IKZF3: variants seen among roughly 807,000 people sequenced by gnomAD.
IKZF3 encodes zinc finger protein Aiolos.
Under a neutral mutation model 49.0 loss-of-function variants are expected in IKZF3, and 10 were observed. The ratio of observed to expected loss-of-function variants is 0.20; its 90% CI spans 0.13 to 0.35. The LOEUF (loss-of-function observed/expected upper bound fraction) is 0.35, where lower values mean the gene tolerates loss of function less well. Ranked by LOEUF, IKZF3 falls within the 10% of genes least tolerant of loss-of-function variation. The pLI is 1.00. For missense variants in IKZF3, 498 were observed against 664.8 expected (o/e 0.75, Z 2.76); for synonymous variants, 209 against 228.2 (o/e 0.92, Z 0.76).
chr17:39,839,512 TGTGAGAAGACATG>T, intron 1 of IKZF3: 1 of 563,746 alleles, frequency 1.8e-6, no homozygotes, highest in Non-Finnish European at 3.5e-6. Context: ...CTGAAAGTCT[TGTGAGAAGACATG>T]GTGAGAAGTG....
chr17:39,785,173 G>T (rs2060844221), intron 6 of IKZF3, among the ~76,000 whole-genome samples: 1 of 152,164 alleles, frequency 6.6e-6, no homozygotes, highest in South Asian at 2.1e-4. Flanking sequence ...GTGCAAAATA[G>T]TTAAAGGATT....
At chr17:39,847,911 C>T (rs577273263) in intron 1 of IKZF3, among the ~76,000 whole-genome samples, 1 of 152,208 alleles carries the variant, frequency 6.6e-6, no homozygotes, top group East Asian at 1.9e-4. Context: ...GTTTTAAATG[C>T]CTTCCTATAC....
At position 39,788,932 on chromosome 17, in the gene IKZF3, G is replaced by A. The variant is rs1036743466; in HGVS notation, c.593-558C>T. On this transcript the variant is annotated intron_variant, in intron 5 of 7. Transcript: ENST00000346872. ...AATAAAAACTGAGCTAATTAACTACGGATTTTTTTGTTTTTTTGTTTTTGA... is the reference window on the plus strand; with the variant it reads ...AATAAAAACTGAGCTAATTAACTACAGATTTTTTTGTTTTTTTGTTTTTGA... 3.3e-5 allele frequency among the ~76,000 whole-genome samples: 5 copies of A among 152,052 alleles called. No individual in the cohort carries two copies. In the East Asian group the frequency reaches 9.7e-4, roughly 29 times the overall value.
chr17:39,819,382 G>A (rs1218955461), intron 3 of IKZF3, among the ~76,000 whole-genome samples: 8 of 152,092 alleles, frequency 5.3e-5, no homozygotes, highest in Admixed American at 5.2e-4. Flanking sequence ...CAAGCCACAG[G>A]CACAGCTATC....
rs2060124516 is a variant in IKZF3, at chr17:39,759,150, T to C, written c.*6640A>G. 1 of 152,142 alleles carries C rather than the reference T, an allele frequency of 6.6e-6. No individual in the cohort carries two copies. The highest frequency in any genetic ancestry group is 1.5e-5 in the Non-Finnish European group (1 of 68,056). 9.4% of individuals were successfully genotyped at this position (152,142 alleles called of 1,614,324 possible). ...AGAAACTCAGGCCAGCCGCGGTGCC[T>C]CACGCCTGTAACCCCAACACTTTGG... On this transcript the variant is annotated 3_prime_UTR_variant, in exon 8 of 8. Coordinates refer to ENST00000346872, the MANE Select transcript of IKZF3 (RefSeq NM_012481.5).
At chr17:39,824,980 C>T (rs1248793048) in intron 3 of IKZF3, among the ~76,000 whole-genome samples, 1 of 152,182 alleles carries the variant, frequency 6.6e-6, no homozygotes, top group African/African-American at 2.4e-5. Context: ...CGGGTGTGAG[C>T]CACCGCACCT....
intron 3 of IKZF3, among the ~76,000 whole-genome samples, chr17:39,811,234 C>CAGAAAGAAAGAAAGAA (rs1409238754): frequency 4.8e-4 from 1 of 2,102 alleles, no homozygotes; most frequent in Non-Finnish European, 1.1e-3. Context: ...AAGACCCTGT[C>CAGAAAGAAAGAAAGAA]TGAAAGAAAG....
At chr17:39,814,604 C>T (rs550766905) in intron 3 of IKZF3, among the ~76,000 whole-genome samples, 1 of 152,102 alleles carries the variant, frequency 6.6e-6, no homozygotes, top group East Asian at 1.9e-4. Flanking sequence ...GACTAGTCTC[C>T]CTAGAGGAGG....
chr17:39,861,580 G>A (rs934741100), intron 1 of IKZF3, among the ~76,000 whole-genome samples: 3 of 152,060 alleles, frequency 2.0e-5, no homozygotes, highest in Non-Finnish European at 4.4e-5. Flanking sequence ...TCCTCCATAC[G>A]CTCACAATGG....
chr17:39,850,903 A>G (rs1038167482), intron 1 of IKZF3, among the ~76,000 whole-genome samples: 19 of 120,662 alleles, frequency 1.6e-4, no homozygotes, highest in Non-Finnish European at 3.0e-4. Context: ...TATATATTAT[A>G]TACGTATATT....
At chr17:39,810,386 AACCATTACCAC>A (rs1363646220) in intron 3 of IKZF3, among the ~76,000 whole-genome samples, 1 of 152,226 alleles carries the variant, frequency 6.6e-6, no homozygotes, top group Non-Finnish European at 1.5e-5. Context: ...TGATAGTTTA[AACCATTACCAC>A]ACCCTTTCAA....
chr17:39,850,811 T>C (rs2144515889), intron 1 of IKZF3, among the ~76,000 whole-genome samples: 1 of 128,842 alleles, frequency 7.8e-6, no homozygotes, highest in African/African-American at 3.1e-5. Context: ...ATATAGTATA[T>C]ATACATATAT....
At chr17:39,815,846 T>C (rs1469626159) in intron 3 of IKZF3, among the ~76,000 whole-genome samples, 2 of 152,260 alleles carry the variant, frequency 1.3e-5, no homozygotes, top group African/African-American at 4.8e-5. Context: ...CCAAACTGGT[T>C]GGATTATATC....
intron 1 of IKZF3, among the ~76,000 whole-genome samples, chr17:39,845,460 G>C (rs2062603467): frequency 6.6e-6 from 1 of 151,392 alleles, no homozygotes; most frequent in African/African-American, 2.4e-5. Context: ...GGAGGCAGAG[G>C]TTTCAATGAG....
chr17:39,832,373 A>T (rs559736889), intron 1 of IKZF3, among the ~76,000 whole-genome samples: 15 of 152,182 alleles, frequency 9.9e-5, no homozygotes, highest in African/African-American at 3.4e-4. Flanking sequence ...TCTGCCAGAG[A>T]TCTACTTACA....
chr17:39,839,587 T>C (rs2062405152), intron 1 of IKZF3: 1 of 450,902 alleles, frequency 2.2e-6, no homozygotes, highest in African/African-American at 2.1e-5. Context: ...ACTGTTTCTT[T>C]ATTTTTATTT....
intron 4 of IKZF3, among the ~76,000 whole-genome samples, 154 bp from the exon 5 acceptor site, chr17:39,791,737 T>A (rs1007660153): frequency 2.0e-5 from 3 of 152,170 alleles, no homozygotes; most frequent in Non-Finnish European, 4.4e-5. Context: ...GCCTAAGACT[T>A]ACTTATGAAA....
intron 7 of IKZF3, among the ~76,000 whole-genome samples, chr17:39,775,432 C>T (rs941726469): frequency 6.6e-5 from 10 of 152,076 alleles, no homozygotes; most frequent in South Asian, 4.1e-4. Context: ...AATAGATCCC[C>T]GAGGCAACAG....
chr17:39,842,380 T>C (rs1162980423), intron 1 of IKZF3, among the ~76,000 whole-genome samples: 1 of 152,130 alleles, frequency 6.6e-6, no homozygotes, highest in Non-Finnish European at 1.5e-5. Context: ...AATACAAAAA[T>C]TAGCCAGGCA....
Sources: gnomAD v4.1 joint callset for allele counts (sites outside exome capture counted in the v4.1 genomes callset) on GRCh38, gnomAD v4.1.1 for gene constraint, MANE v1.5 for transcripts, NCBI Gene and HGNC (gene_info 2026-07-23, HGNC 2026-07-21) for gene names.